The following METTL25 variants were observed in gnomAD, a reference collection of about 807,000 sequenced individuals.
The protein encoded by METTL25 is methyltransferase like 25, also known as probable methyltransferase-like protein 25.
A neutral mutation model predicts 71.6 loss-of-function variants in METTL25; 64 were observed. The ratio of observed to expected loss-of-function variants is 0.89; its 90% CI spans 0.73 to 1.10. The LOEUF is 1.10. METTL25 is among the 50% of genes least tolerant of loss of function. METTL25 has a pLI of 0.00. For missense variants in METTL25, 807 were observed against 707.0 expected, an observed-to-expected ratio of 1.14 and a Z score of -1.60; for synonymous variants, 287 against 250.3, an observed-to-expected ratio of 1.15 and a Z score of -1.38.
At chr12:82,439,803 A>G (rs1890189330) in intron 8 of METTL25, 1 of 925,272 alleles carries the variant, frequency 1.1e-6, no homozygotes, top group Admixed American at 6.2e-5. Flanking sequence ...AAAATTGTGC[A>G]AATTCATGTC....
intron 3 of METTL25, among the ~76,000 whole-genome samples, chr12:82,394,605 G>T: frequency 6.6e-6 from 1 of 151,912 alleles, no homozygotes; most frequent in East Asian, 1.9e-4. Flanking sequence ...TATACTGAGG[G>T]TGCATCAGTG....
intron 1 of METTL25, among the ~76,000 whole-genome samples, chr12:82,376,748 T>G (rs950590338): frequency 3.3e-5 from 5 of 152,270 alleles, no homozygotes; most frequent in African/African-American, 7.2e-5. Flanking sequence ...CATAATCTTA[T>G]TGTTAAATTA....
intron 5 of METTL25, among the ~76,000 whole-genome samples, chr12:82,422,100 A>G (rs1201394667): frequency 6.6e-6 from 1 of 152,196 alleles, no homozygotes; most frequent in Non-Finnish European, 1.5e-5. Context: ...ACAAAAAAAT[A>G]GAATTTTAGA....
intron 9 of METTL25, chr12:82,459,846 A>T (rs1306185235): frequency 6.6e-6 from 1 of 152,234 alleles, no homozygotes; most frequent in African/African-American, 2.4e-5. Flanking sequence ...TAATAAACAT[A>T]CTGAGTCACC....
chr12:82,403,062 TC>T lies in METTL25; in HGVS notation c.1212del (p.Lys405ArgfsTer37). On this transcript the variant is annotated frameshift_variant, in exon 5 of 12. Transcript: ENST00000248306. LOFTEE classifies it high-confidence loss of function. ...CGAATATTTACCTCCAACTCTGAAA[TC>T]AAGGGAGTTTGCAGTGTGGGTTGTT... is the stretch of plus-strand genomic sequence containing the variant. ...TLRIFTSNSEIKGVCSVGCCY... is the reference protein window; with the variant it reads ...TLRIFTSNSEXKGVCSVGCCY... 6.2e-7 allele frequency: 1 copy of T among 1,613,600 alleles called. No individual in the cohort carries two copies. Among genetic ancestry groups the T allele is most frequent in the Non-Finnish European group, 8.5e-7 (1 of 1,179,660 alleles).
chr12:82,438,211 A>G (rs758202799), intron 7 of METTL25, among the ~76,000 whole-genome samples: 9 of 151,734 alleles, frequency 5.9e-5, no homozygotes, highest in African/African-American at 1.9e-4. Context: ...TCAACTCTGT[A>G]GTAACCAGTA....
intron 9 of METTL25, among the ~76,000 whole-genome samples, chr12:82,467,638 T>C (rs917086050): frequency 2.6e-5 from 4 of 152,162 alleles, no homozygotes; most frequent in African/African-American, 9.6e-5. Context: ...AGCTTTCTGC[T>C]GAAAAAATCC....
Position 82,477,312 on chromosome 12 carries a change from CTT to C in METTL25, c.1681_1682del (p.Leu561AspfsTer25). The C allele has an allele frequency of 6.4e-7, 1 of 1,574,444 alleles. No individual in the cohort carries two copies. Among genetic ancestry groups the C allele is most frequent in the Non-Finnish European group, 8.6e-7 (1 of 1,160,750 alleles). ...GTTGTACTGGCTCCCTGTATAGAGA[CTT>C]TGATTCTTCTGGATCGACTTTGTTA... On this transcript the variant is annotated frameshift_variant, in exon 11 of 12. Coordinates refer to ENST00000248306, the MANE Select transcript of METTL25 (RefSeq NM_032230.3). LOFTEE classifies it high-confidence loss of function.
chr12:82,472,259 G>A (rs145162727), intron 9 of METTL25, among the ~76,000 whole-genome samples: 72 of 152,244 alleles, frequency 4.7e-4, no homozygotes, highest in Non-Finnish European at 2.9e-5. Flanking sequence ...AGGTTCATTT[G>A]TATGTGCACT....
chr12:82,397,393 A>G (rs901562017), intron 3 of METTL25, among the ~76,000 whole-genome samples: 3 of 152,056 alleles, frequency 2.0e-5, no homozygotes, highest in African/African-American at 7.2e-5. Context: ...TCTCAGATAA[A>G]TGTTTTGCAA....
intron 5 of METTL25, among the ~76,000 whole-genome samples, chr12:82,416,583 G>A (rs1215685758): frequency 6.6e-6 from 1 of 151,164 alleles, no homozygotes; most frequent in South Asian, 2.1e-4. Flanking sequence ...TGGGACTACT[G>A]GTGCGTGACA....
intron 8 of METTL25, among the ~76,000 whole-genome samples, chr12:82,448,070 A>G: frequency 6.6e-6 from 1 of 152,052 alleles, no homozygotes; most frequent in East Asian, 1.9e-4. Flanking sequence ...ATATGAGTTG[A>G]TTTGCAAGGC....
intron 9 of METTL25, among the ~76,000 whole-genome samples, chr12:82,462,922 AT>A (rs976688722): frequency 1.4e-4 from 22 of 151,874 alleles, no homozygotes; most frequent in Non-Finnish European, 2.5e-4. Flanking sequence ...GTTGTACTGT[AT>A]TTTTTTATTT....
chr12:82,392,092 A>T (rs554035956), intron 3 of METTL25, among the ~76,000 whole-genome samples: 4 of 148,394 alleles, frequency 2.7e-5, no homozygotes, highest in South Asian at 2.1e-4. Context: ...TTATTTATTT[A>T]TTTTTTATTT....
At position 82,430,226 on chromosome 12, in the gene METTL25, A is replaced by G. The variant is rs1889374251; in HGVS notation, c.1280-667A>G. On this transcript the variant is annotated intron_variant, in intron 5 of 11. Transcript: ENST00000248306. ...AACCCTGTGGAACTAATAGTTCTAC[A>G]TCAGAAATTTTAACATCACCAAGTT... is the stretch of plus-strand genomic sequence containing the variant. Among the ~76,000 whole-genome samples, 4 of 151,286 alleles carry G rather than the reference A, an allele frequency of 2.6e-5. No homozygotes were observed. In the Admixed American group the frequency reaches 2.6e-4, roughly 10 times the overall value.
At chr12:82,456,705 T>C in intron 8 of METTL25, 22 bp from the exon 9 acceptor site, 3 of 1,429,330 alleles carry the variant, frequency 2.1e-6, no homozygotes, top group Non-Finnish European at 2.9e-6. Context: ...AAACTAAAAA[T>C]TTATTCAATT....
chr12:82,407,989 T>C, intron 5 of METTL25: 2 of 983,774 alleles, frequency 2.0e-6, no homozygotes, highest in African/African-American at 3.5e-5. Context: ...ACAGTATTTC[T>C]CAATTCTAGC....
rs994201892 is a variant in METTL25, at chr12:82,464,625, A to AT, written c.1572+7814dup. Among the ~76,000 whole-genome samples the AT allele has an allele frequency of 1.7e-4, 26 of 151,074 alleles. No individual in the cohort carries two copies. In the East Asian group the frequency reaches 2.7e-3, roughly 16 times the overall value. ...TTTGTAACTCCATACAAATTTTAAG[A>AT]TTTTTTTTTCTAATTCTGTGTAGAA... On this transcript the variant is annotated intron_variant, in intron 9 of 11. Transcript: ENST00000248306.
At chr12:82,370,149 G>A (rs1395179636) in intron 1 of METTL25, among the ~76,000 whole-genome samples, 3 of 152,172 alleles carry the variant, frequency 2.0e-5, no homozygotes, top group African/African-American at 4.8e-5. Flanking sequence ...CCCTGCAGTT[G>A]TAGTGTCCTC....
Sources: gnomAD v4.1 joint callset for allele counts (sites outside exome capture counted in the v4.1 genomes callset) on GRCh38, gnomAD v4.1.1 for gene constraint, MANE v1.5 for transcripts, NCBI Gene and HGNC (gene_info 2026-07-23, HGNC 2026-07-21) for gene names.